The following PCNT variants were observed in gnomAD, a reference collection of about 807,000 sequenced individuals.
PCNT encodes the protein pericentrin.
PCNT carries 319 observed loss-of-function variants against 380.4 expected under a neutral mutation model. The ratio of observed to expected loss-of-function variants is 0.84; its 90% CI spans 0.77 to 0.92. The LOEUF is 0.92. Ranked by LOEUF, PCNT falls within the 40% of genes least tolerant of loss-of-function variation. The pLI is 0.00. For missense variants in PCNT, 4,400 were observed against 4,255.3 expected (o/e 1.03, Z -0.95); for synonymous variants, 1,845 against 1,735.2 (o/e 1.06, Z -1.57).
chr21:46,391,357 C>T lies in PCNT; in HGVS notation c.4197C>T (p.Asp1399=), dbSNP rs3737438. ...GTCGGGGGGAGGCCACAGCCACGGA[C>T]GCCGAGGCCAGAGAAGCTGGTAAGG... ...LWSRGEATAT[D]AEAREAALRK... is the part of the protein sequence containing the mutation. The change falls in exon 21 of 47, where the codon GAC becomes GAT. Residue 1399 remains aspartate (D), a synonymous_variant. Transcript: ENST00000359568. 565,311 of 1,550,058 alleles carry T rather than the reference C, an allele frequency of 0.36. 105,254 individuals carry two copies. Among genetic ancestry groups the T allele is most frequent in the East Asian group, 0.43 (17,859 of 41,132 alleles).
intron 1 of PCNT, among the ~76,000 whole-genome samples, chr21:46,325,604 T>C (rs954405350): frequency 6.6e-6 from 1 of 152,230 alleles, no homozygotes; most frequent in African/African-American, 2.4e-5. Flanking sequence ...TGTACTTGTG[T>C]TATCATTTAC....
chr21:46,375,839 G>A (rs2085317084), intron 15 of PCNT, among the ~76,000 whole-genome samples: 1 of 152,260 alleles, frequency 6.6e-6, no homozygotes, highest in South Asian at 2.1e-4. Context: ...GTCTGCCGAA[G>A]GCCTGAGAGT....
At chr21:46,441,769 C>T (rs949079682) in intron 43 of PCNT, among the ~76,000 whole-genome samples, 1 of 152,064 alleles carries the variant, frequency 6.6e-6, no homozygotes, top group Admixed American at 6.5e-5. Flanking sequence ...TAAGCAGACC[C>T]AGATCCTACC....
intron 9 of PCNT, 140 bp from the exon 10 acceptor site, chr21:46,352,964 G>T: frequency 1.4e-6 from 1 of 727,866 alleles, no homozygotes. Context: ...AGCCGTAGGG[G>T]TCCCTCATCC....
intron 16 of PCNT, among the ~76,000 whole-genome samples, chr21:46,383,727 G>T (rs1352908204): frequency 6.9e-6 from 1 of 144,018 alleles, no homozygotes; most frequent in African/African-American, 2.6e-5. Flanking sequence ...TATATTCAGT[G>T]ATGGAAGCGC....
At chr21:46,438,135 T>C in intron 40 of PCNT, 29 bp from the exon 41 acceptor site, 1 of 1,591,350 alleles carries the variant, frequency 6.3e-7, no homozygotes, top group Non-Finnish European at 8.6e-7. Context: ...AACAACAAAT[T>C]CTTACAAATT....
At chr21:46,359,495 T>TTTTTTTTTTTTTTTG (rs2084622614) in intron 13 of PCNT, among the ~76,000 whole-genome samples, 1 of 113,922 alleles carries the variant, frequency 8.8e-6, no homozygotes, top group Non-Finnish European at 2.0e-5. Context: ...TTTTTTGTTT[T>TTTTTTTTTTTTTTTG]TTTTTTTTTT....
intron 44 of PCNT, chr21:46,442,937 A>C: frequency 6.6e-6 from 2 of 303,828 alleles, no homozygotes; most frequent in South Asian, 3.0e-5. Flanking sequence ...TGGCTCACTC[A>C]CATCTTTGTC....
intron 45 of PCNT, 40 bp from the exon 46 acceptor site, chr21:46,444,647 CTTTTTTT>C (rs3058084): frequency 4.8e-6 from 7 of 1,472,528 alleles, no homozygotes; most frequent in Non-Finnish European, 5.5e-6. Context: ...AAACTCAACT[CTTTTTTT>C]TTTTTTTTTT....
At chr21:46,349,530 G>A (rs1456023438) in intron 7 of PCNT, among the ~76,000 whole-genome samples, 154 bp from the exon 8 acceptor site, 1 of 152,210 alleles carries the variant, frequency 6.6e-6, no homozygotes, top group Non-Finnish European at 1.5e-5. Flanking sequence ...GTCCCCTGGT[G>A]CTATCAGGCA....
In PCNT at chr21:46,436,996, C is replaced by T. The variant is rs60078675; in HGVS notation, c.9014C>T (p.Thr3005Met). ...QAVDRTVNDW[T>M]SSNEKAVMSL... Reference sequence around the variant, plus strand: ...TTTTACAGGACAGTTAATGATTGGACGTCATCCAATGAGAAAGCAGTGATG... The same window carrying T: ...TTTTACAGGACAGTTAATGATTGGATGTCATCCAATGAGAAAGCAGTGATG... The change falls in exon 40 of 47, where the codon ACG (threonine) becomes ATG (methionine). Residue 3005 changes from threonine (T) to methionine (M), a missense_variant. Coordinates refer to ENST00000359568, the MANE Select transcript of PCNT (RefSeq NM_006031.6). 3.6e-3 allele frequency: 5,779 copies of T among 1,612,394 alleles called. 202 individuals are homozygous for T. In the African/African-American group the frequency reaches 0.067, roughly 19 times the overall value.
In PCNT at chr21:46,365,367, G is replaced by A. The variant is rs67414613; in HGVS notation, c.2610-1217G>A. On this transcript the variant is annotated intron_variant, in intron 14 of 46. Transcript: ENST00000359568. The stretch of plus-strand genomic sequence containing the variant: ...GTTCTATTCACTGCCGTGGGGTTCT[G>A]ATCACTGCCGTGGGGTTCTGTTCAC... 9.8e-4 allele frequency among the ~76,000 whole-genome samples: 65 copies of A among 66,078 alleles called. 2 individuals carry two copies. The highest frequency in any genetic ancestry group is 2.5e-3 in the Admixed American group (13 of 5,292). The allele number at this position is 66,078 out of a possible 152,430, so 43.3% of individuals were successfully genotyped here. A position where few individuals can be genotyped will look rare whatever the true frequency, so the allele number is the denominator to read the frequency against.
chr21:46,346,213 C>A lies in PCNT; in HGVS notation c.720+5C>A, dbSNP rs1272137529. 2 of 1,613,052 alleles carry A rather than the reference C, an allele frequency of 1.2e-6. No individual in the cohort carries two copies. Among genetic ancestry groups the A allele is most frequent in the Non-Finnish European group, 1.7e-6 (2 of 1,179,296 alleles). ...GCTGGCCTGCATCAGAGTCAGGTGA[C>A]CCGGCGGGGCCTGCACAGGCTCACA... is the stretch of plus-strand genomic sequence containing the variant. On this transcript the variant is annotated splice_donor_5th_base_variant and intron_variant, in intron 4 of 46. Transcript: ENST00000359568.
chr21:46,437,120 TC>T, intron 40 of PCNT, 39 bp downstream of exon 40: 2 of 1,414,370 alleles, frequency 1.4e-6, no homozygotes, highest in Non-Finnish European at 2.0e-6. Context: ...GCCTGGCTCC[TC>T]CCCCAGAGGG....
chr21:46,392,473 G>A (rs753459466), intron 21 of PCNT, among the ~76,000 whole-genome samples: 1 of 152,134 alleles, frequency 6.6e-6, no homozygotes, highest in Non-Finnish European at 1.5e-5. Flanking sequence ...TGCCTGCCTC[G>A]GCCTCCCATA....
chr21:46,426,321 C>T (rs964615183), intron 33 of PCNT, among the ~76,000 whole-genome samples: 12 of 152,100 alleles, frequency 7.9e-5, no homozygotes, highest in African/African-American at 1.4e-4. Context: ...CATGAGCCAC[C>T]GTGCCTGGCC....
chr21:46,380,003 G>A (rs2085459835), intron 15 of PCNT, among the ~76,000 whole-genome samples: 1 of 152,138 alleles, frequency 6.6e-6, no homozygotes, highest in Non-Finnish European at 1.5e-5. Flanking sequence ...CTTTCCAGAG[G>A]CCCCTGTGGA....
At chr21:46,389,970 A>G (rs999621382) in intron 19 of PCNT, among the ~76,000 whole-genome samples, 5 of 152,202 alleles carry the variant, frequency 3.3e-5, no homozygotes, top group African/African-American at 1.2e-4. Flanking sequence ...CTGAATGTGC[A>G]GAGATGTCTT....
chr21:46,363,401 G>A lies in PCNT; in HGVS notation c.2155-79G>A. The stretch of plus-strand genomic sequence containing the variant: ...GTGTGGTGAAAATTCCCTGTCTTCA[G>A]AGGTGGGTTTGGGTTGTCTCTTCTA... On this transcript the variant is annotated intron_variant, in intron 13 of 46. Transcript: ENST00000359568. 3 of 1,057,804 alleles carry A rather than the reference G, an allele frequency of 2.8e-6. No homozygotes were observed. The South Asian group carries it at 3.8e-5, about 13-fold the overall frequency. 65.5% of individuals were successfully genotyped at this position (1,057,804 alleles called of 1,614,324 possible). A position where few individuals can be genotyped will look rare whatever the true frequency, so the allele number is the denominator to read the frequency against.
Sources: allele counts gnomAD v4.1 joint callset (sites outside exome capture counted in the v4.1 genomes callset), GRCh38; gene constraint gnomAD v4.1.1; transcripts MANE v1.5; gene names NCBI Gene and HGNC (gene_info 2026-07-23, HGNC 2026-07-21).